The following SEMA5B variants were observed in gnomAD, a reference collection of about 807,000 sequenced individuals.
SEMA5B encodes the protein semaphorin 5B, also known as semaphorin-5B.
SEMA5B carries 66 observed loss-of-function variants against 135.0 expected under a neutral mutation model. That is an observed-to-expected ratio of 0.49 (90% CI 0.40 to 0.60). The LOEUF (loss-of-function observed/expected upper bound fraction) is 0.60. Among genes scored for constraint, SEMA5B ranks in the 20% least tolerant of loss-of-function variants. The pLI, the probability that SEMA5B is intolerant of heterozygous loss-of-function variation, is 0.00. For missense variants in SEMA5B, 1,501 were observed against 1,566.3 expected (o/e 0.96, Z 0.70); for synonymous variants, 690 against 639.5 (o/e 1.08, Z -1.19).
At chr3:123,017,490 GGGTTGCA>G (rs1282629241) in intron 1 of SEMA5B, among the ~76,000 whole-genome samples, 9 of 152,146 alleles carry the variant, frequency 5.9e-5, no homozygotes, top group Non-Finnish European at 1.5e-5. Flanking sequence ...CCCTAGTAAA[GGGTTGCA>G]GGTTGTGAGT....
At chr3:122,911,407 G>C (rs1461405163) in intron 21 of SEMA5B, 84 bp downstream of exon 21, 1 of 1,564,662 alleles carries the variant, frequency 6.4e-7, no homozygotes, top group Non-Finnish European at 8.7e-7. Flanking sequence ...GTCTGGAGCA[G>C]GATGTGGAAA....
At chr3:122,942,821 G>A (rs1397567226) in intron 4 of SEMA5B, among the ~76,000 whole-genome samples, 1 of 152,198 alleles carries the variant, frequency 6.6e-6, no homozygotes, top group Non-Finnish European at 1.5e-5. Flanking sequence ...TGCACCATGA[G>A]AGCTACTGGG....
Position 122,910,024 on chromosome 3 carries a change from C to A in SEMA5B, c.*119G>T, listed in dbSNP as rs537010682. On this transcript the variant is annotated 3_prime_UTR_variant, in exon 23 of 23. Transcript: ENST00000357599. ...GAAGCCGGATGGGACCCCCCACAGG[C>A]AAGGCAGCAAGTTCTTGGCCTAGTG... 19 of 1,095,556 alleles carry A rather than the reference C, an allele frequency of 1.7e-5. No homozygotes were observed. In the Admixed American group the frequency reaches 4.5e-4, roughly 26 times the overall value. The allele number at this position is 1,095,556 out of a possible 1,614,324, so 67.9% of individuals were successfully genotyped here.
intron 21 of SEMA5B, 89 bp from the exon 22 acceptor site, chr3:122,911,134 G>C: frequency 8.1e-7 from 1 of 1,235,962 alleles, no homozygotes; most frequent in Non-Finnish European, 1.1e-6. Flanking sequence ...AACAGCAACA[G>C]GAGGCTCTGA....
chr3:122,935,307 AGTGG>A (rs1294961038), intron 5 of SEMA5B, among the ~76,000 whole-genome samples: 2 of 142,770 alleles, frequency 1.4e-5, no homozygotes, highest in East Asian at 4.8e-4. Flanking sequence ...CCTGCCTGGA[AGTGG>A]GGCTGGGGGA....
chr3:122,943,513 G>C lies in SEMA5B; in HGVS notation c.351C>G (p.Asn117Lys). ...AATCCCGGGCTCCAGGGTAGGTGAA[G>C]TTAGAGACCCACGGCTGCAGGTCTG... ...AFEDLQPWVS[N>K]FTYPGARDFS... The change falls in exon 4 of 23, where the codon AAC (asparagine) becomes AAG (lysine). Residue 117 changes from asparagine (N) to lysine (K), a missense_variant. Coordinates refer to ENST00000357599, the MANE Select transcript of SEMA5B (RefSeq NM_001031702.4). The C allele has an allele frequency of 1.9e-6, 3 of 1,609,420 alleles. No individual in the cohort carries two copies. Among genetic ancestry groups the C allele is most frequent in the Non-Finnish European group, 2.5e-6 (3 of 1,178,606 alleles).
intron 5 of SEMA5B, 21 bp from the exon 6 acceptor site, chr3:122,929,079 C>CA (rs938624169): frequency 6.2e-7 from 1 of 1,608,370 alleles, no homozygotes; most frequent in Non-Finnish European, 8.5e-7. Flanking sequence ...AACATAGGAG[C>CA]ACACAGACAT....
chr3:122,911,299 CTGA>C, intron 21 of SEMA5B, 189 bp downstream of exon 21: 1 of 1,476,990 alleles, frequency 6.8e-7, no homozygotes, highest in South Asian at 1.3e-5. Flanking sequence ...TGGGTACAGA[CTGA>C]TGATGGCCTC....
chr3:123,026,160 G>GA (rs1406584033), intron 1 of SEMA5B, among the ~76,000 whole-genome samples: 2 of 152,184 alleles, frequency 1.3e-5, no homozygotes. Context: ...GGGGCTGAAG[G>GA]AAAAAGATGG....
intron 3 of SEMA5B, among the ~76,000 whole-genome samples, chr3:122,945,153 GT>G (rs1433353860): frequency 6.6e-6 from 1 of 152,212 alleles, no homozygotes; most frequent in African/African-American, 2.4e-5. Context: ...GGTTTTGTGA[GT>G]TGGATGTTTT....
At chr3:122,928,390 G>A (rs945448016) in intron 7 of SEMA5B, 127 bp downstream of exon 7, 13 of 623,238 alleles carry the variant, frequency 2.1e-5, no homozygotes, top group Middle Eastern at 8.8e-4. Context: ...CTAACTGGGT[G>A]TCCTTTTGTT....
chr3:123,018,699 C>T lies in SEMA5B; in HGVS notation c.-39+8765G>A, dbSNP rs560536677. Among the ~76,000 whole-genome samples, 14 of 152,344 alleles carry T rather than the reference C, an allele frequency of 9.2e-5. No homozygotes were observed. In the South Asian group the frequency reaches 2.9e-3, roughly 32 times the overall value. On this transcript the variant is annotated intron_variant, in intron 1 of 22. Coordinates refer to ENST00000357599, the MANE Select transcript of SEMA5B (RefSeq NM_001031702.4). ...TCTCAGGACCTCAACCAAATCAGGTCTGTCCCCAACATCCAATTCTCCACT... is the reference window on the plus strand; with the variant it reads ...TCTCAGGACCTCAACCAAATCAGGTTTGTCCCCAACATCCAATTCTCCACT...
chr3:122,983,716 CAAAAAAAAAAAAAAAAAAAA>C (rs57975297), intron 1 of SEMA5B, among the ~76,000 whole-genome samples: 5 of 53,424 alleles, frequency 9.4e-5, no homozygotes, highest in East Asian at 1.0e-3. Flanking sequence ...AGACTCGTCT[CAAAAAAAAAAAAAAAAAAAA>C]AAAAAAAAAA....
At chr3:122,920,995 C>G (rs917136948) in intron 12 of SEMA5B, among the ~76,000 whole-genome samples, 1 of 152,162 alleles carries the variant, frequency 6.6e-6, no homozygotes, top group African/African-American at 2.4e-5. Context: ...CCTGAGACTC[C>G]CCCTCCTTGG....
intron 5 of SEMA5B, among the ~76,000 whole-genome samples, chr3:122,937,612 C>T (rs1037310926): frequency 6.6e-6 from 1 of 152,124 alleles, no homozygotes; most frequent in Non-Finnish European, 1.5e-5. Context: ...GTCTGTAGGG[C>T]CCTTCAGGGA....
chr3:123,017,341 TA>T (rs879737085), intron 1 of SEMA5B, among the ~76,000 whole-genome samples: 119 of 144,758 alleles, frequency 8.2e-4, no homozygotes, highest in Admixed American at 1.2e-3. Context: ...ATCTTACAGT[TA>T]AAAAAAAAAA....
chr3:122,987,471 G>C (rs1431293148), intron 1 of SEMA5B, among the ~76,000 whole-genome samples: 1 of 152,240 alleles, frequency 6.6e-6, no homozygotes, highest in Non-Finnish European at 1.5e-5. Context: ...CCTCAAACTG[G>C]TTATTAGCAC....
chr3:122,953,030 C>T (rs759820234), intron 2 of SEMA5B, among the ~76,000 whole-genome samples: 5 of 152,218 alleles, frequency 3.3e-5, no homozygotes, highest in African/African-American at 1.2e-4. Context: ...ATTAAACTGC[C>T]CTCACATTGC....
At position 122,909,928 on chromosome 3, in the gene SEMA5B, C is replaced by G; in HGVS notation, c.*215G>C. ...ATAACCATGAGAGACCTGGGCTGAA[C>G]TGGACCTGCGGCCATATGTCAGCCT... On this transcript the variant is annotated 3_prime_UTR_variant, in exon 23 of 23. Coordinates refer to ENST00000357599, the MANE Select transcript of SEMA5B (RefSeq NM_001031702.4). 1 of 566,704 alleles carries G rather than the reference C, an allele frequency of 1.8e-6. No homozygotes were observed. Among genetic ancestry groups the G allele is most frequent in the South Asian group, 2.3e-5 (1 of 43,292 alleles). 35.1% of individuals were successfully genotyped at this position (566,704 alleles called of 1,614,324 possible). A position where few individuals can be genotyped will look rare whatever the true frequency, so the allele number is the denominator to read the frequency against.
Sources: allele counts gnomAD v4.1 joint callset (sites outside exome capture counted in the v4.1 genomes callset), GRCh38; gene constraint gnomAD v4.1.1; transcripts MANE v1.5; gene names NCBI Gene and HGNC (gene_info 2026-07-23, HGNC 2026-07-21).